The following GALNTL6 variants were observed in gnomAD, a reference collection of about 807,000 sequenced individuals.
The protein encoded by GALNTL6 is polypeptide N-acetylgalactosaminyltransferase-like 6.
In GALNTL6, 46 loss-of-function variants were observed where a neutral mutation model predicts 73.7. That is an observed-to-expected ratio of 0.62 (90% CI 0.49 to 0.80). The LOEUF is 0.80. Among genes scored for constraint, GALNTL6 ranks in the 30% least tolerant of loss-of-function variants. The pLI, the probability that GALNTL6 is intolerant of heterozygous loss-of-function variation, is 0.00. For missense variants in GALNTL6, 604 were observed against 755.0 expected, an observed-to-expected ratio of 0.80 and a Z score of 2.34; for synonymous variants, 259 against 263.7, an observed-to-expected ratio of 0.98 and a Z score of 0.17.
chr4:172,843,186 C>A (rs1743310429), intron 7 of GALNTL6, among the ~76,000 whole-genome samples: 1 of 152,156 alleles, frequency 6.6e-6, no homozygotes, highest in African/African-American at 2.4e-5. Context: ...CCTCCAAGGG[C>A]AGATTAAGGT....
At chr4:172,118,897 T>C (rs1364351315) in intron 2 of GALNTL6, among the ~76,000 whole-genome samples, 1 of 152,100 alleles carries the variant, frequency 6.6e-6, no homozygotes, top group Non-Finnish European at 1.5e-5. Flanking sequence ...TCTAGCTTTT[T>C]TCCAGACTTT....
intron 5 of GALNTL6, among the ~76,000 whole-genome samples, chr4:172,449,785 A>T (rs184480735): frequency 2.6e-4 from 39 of 152,144 alleles, no homozygotes; most frequent in African/African-American, 8.9e-4. Context: ...TACACAGATG[A>T]CTCTTGAACT....
intron 5 of GALNTL6, among the ~76,000 whole-genome samples, chr4:172,753,205 C>G (rs569268012): frequency 4.2e-4 from 64 of 152,228 alleles, no homozygotes; most frequent in African/African-American, 1.5e-3. Context: ...GGCAAAAGCT[C>G]TCTTGCCTGC....
At chr4:172,493,546 G>A (rs72995069) in intron 5 of GALNTL6, among the ~76,000 whole-genome samples, 1 of 151,998 alleles carries the variant, frequency 6.6e-6, no homozygotes, top group Non-Finnish European at 1.5e-5. Context: ...CACTTACTTG[G>A]TACCAGGTTT....
chr4:172,281,005 C>CA (rs34883890), intron 3 of GALNTL6, among the ~76,000 whole-genome samples: 5,052 of 132,676 alleles, frequency 0.038, 147 homozygotes, highest in African/African-American at 0.08. Flanking sequence ...CTAAAAAATA[C>CA]AAAAAAAAAA....
intron 5 of GALNTL6, among the ~76,000 whole-genome samples, chr4:172,355,915 C>T (rs1742138802): frequency 6.6e-6 from 1 of 152,124 alleles, no homozygotes; most frequent in Admixed American, 6.6e-5. Context: ...TACGACCAAG[C>T]ATCTTAAAAT....
At chr4:172,304,348 C>A (rs201993812) in intron 3 of GALNTL6, among the ~76,000 whole-genome samples, 2 of 151,558 alleles carry the variant, frequency 1.3e-5, no homozygotes, top group East Asian at 3.9e-4. Flanking sequence ...CCTGCTTCTG[C>A]GGAGCATACA....
chr4:172,598,633 A>G lies in GALNTL6; in HGVS notation c.554-210728A>G, dbSNP rs367689423. 4.6e-5 allele frequency among the ~76,000 whole-genome samples: 7 copies of G among 152,050 alleles called. No homozygotes were observed. In the East Asian group the frequency reaches 1.4e-3, roughly 29 times the overall value. ...TTTCTAAATTTACGTCTACAGTTCC[A>G]TGATGGATTTTAAAAGTTTTAAATC... On this transcript the variant is annotated intron_variant, in intron 5 of 12. Transcript: ENST00000506823.
intron 5 of GALNTL6, among the ~76,000 whole-genome samples, chr4:172,496,688 A>G (rs1438630912): frequency 1.3e-5 from 2 of 152,198 alleles, no homozygotes; most frequent in Non-Finnish European, 2.9e-5. Context: ...ATCTCAAAAA[A>G]TAATTAATTA....
chr4:172,486,446 T>A (rs1377904836), intron 5 of GALNTL6, among the ~76,000 whole-genome samples: 1 of 152,194 alleles, frequency 6.6e-6, no homozygotes, highest in East Asian at 1.9e-4. Context: ...AAACTATACT[T>A]ATATCACTCC....
At chr4:173,034,927 C>T (rs923632950) in intron 12 of GALNTL6, among the ~76,000 whole-genome samples, 3 of 152,096 alleles carry the variant, frequency 2.0e-5, no homozygotes, top group Admixed American at 6.5e-5. Context: ...TAGTGCCTGG[C>T]AAATAGCAGG....
intron 12 of GALNTL6, among the ~76,000 whole-genome samples, chr4:173,029,605 C>T (rs1753374952): frequency 6.6e-6 from 1 of 152,156 alleles, no homozygotes; most frequent in Non-Finnish European, 1.5e-5. Flanking sequence ...TTAATTTAGC[C>T]TGAGTTGATT....
chr4:172,587,091 A>G lies in GALNTL6; in HGVS notation c.554-222270A>G, dbSNP rs557206020. 5.9e-5 allele frequency among the ~76,000 whole-genome samples: 9 copies of G among 152,240 alleles called. No homozygotes were observed. In the South Asian group the frequency reaches 1.7e-3, roughly 28 times the overall value. ...AAGGAAATGAATGTGAAGAATGCCT[A>G]TGTGTGTGCACATGTGAAAATATTG... On this transcript the variant is annotated intron_variant, in intron 5 of 12. Coordinates refer to ENST00000506823, the MANE Select transcript of GALNTL6 (RefSeq NM_001034845.3).
At chr4:172,080,648 T>C (rs1436555892) in intron 2 of GALNTL6, among the ~76,000 whole-genome samples, 2 of 151,706 alleles carry the variant, frequency 1.3e-5, no homozygotes, top group African/African-American at 2.4e-5. Flanking sequence ...TATATATAAA[T>C]ATATGTTGTA....
At chr4:172,869,478 T>C (rs1744817067) in intron 7 of GALNTL6, among the ~76,000 whole-genome samples, 1 of 152,042 alleles carries the variant, frequency 6.6e-6, no homozygotes, top group African/African-American at 2.4e-5. Context: ...TTCAGAAAGG[T>C]CTGGAGCATA....
chr4:172,599,152 T>A (rs1303379243), intron 5 of GALNTL6, among the ~76,000 whole-genome samples: 1 of 152,126 alleles, frequency 6.6e-6, no homozygotes, highest in Non-Finnish European at 1.5e-5. Context: ...TTCTTAATCC[T>A]GTGTACATCA....
At chr4:172,581,028 C>T (rs1737164587) in intron 5 of GALNTL6, among the ~76,000 whole-genome samples, 1 of 152,222 alleles carries the variant, frequency 6.6e-6, no homozygotes, top group Admixed American at 6.5e-5. Context: ...TCCCAAAGTG[C>T]TGGGATTACA....
At chr4:172,134,718 G>GT (rs1325693038) in intron 2 of GALNTL6, among the ~76,000 whole-genome samples, 2 of 152,294 alleles carry the variant, frequency 1.3e-5, no homozygotes, top group East Asian at 3.9e-4. Flanking sequence ...ACTAACGGTT[G>GT]TAACAAATAG....
intron 5 of GALNTL6, chr4:172,380,014 A>G (rs1310779180): frequency 1.1e-6 from 1 of 929,392 alleles, no homozygotes; most frequent in East Asian, 2.5e-5. Context: ...TGCATACTTG[A>G]TGATCGGATC....
Sources: gnomAD v4.1 joint callset for allele counts (sites outside exome capture counted in the v4.1 genomes callset) on GRCh38, gnomAD v4.1.1 for gene constraint, MANE v1.5 for transcripts, NCBI Gene and HGNC (gene_info 2026-07-23, HGNC 2026-07-21) for gene names.